MOK: variants seen among roughly 807,000 people sequenced by gnomAD.
MOK encodes MOK protein kinase.
In MOK, 59 loss-of-function variants were observed where a neutral mutation model predicts 54.2. That is an observed-to-expected ratio of 1.09 (90% CI 0.88 to 1.35). The LOEUF (loss-of-function observed/expected upper bound fraction) is 1.35. Among genes scored for constraint, MOK ranks in the 40% most tolerant of loss-of-function variants. MOK has a pLI of 0.00. For missense variants in MOK, 517 were observed against 526.2 expected (o/e 0.98, Z 0.17); for synonymous variants, 210 against 202.7 (o/e 1.04, Z -0.31).
intron 1 of MOK, among the ~76,000 whole-genome samples, chr14:102,293,515 A>G (rs1054420368): frequency 6.6e-5 from 10 of 151,874 alleles, no homozygotes; most frequent in Admixed American, 5.9e-4. Flanking sequence ...CATGACCAAC[A>G]TGGAGAAACC....
In MOK at chr14:102,300,346, A is replaced by G. The variant is rs999895680; in HGVS notation, c.7+4616T>C. The stretch of plus-strand genomic sequence containing the variant: ...CTCAAAAAAAAAAAAAAAAAAAAAA[A>G]GCCTGGGCTGGGCAACACAGCAAAA... On this transcript the variant is annotated intron_variant, in intron 1 of 11. Coordinates refer to ENST00000361847, the MANE Select transcript of MOK (RefSeq NM_014226.3). 1.5e-3 allele frequency among the ~76,000 whole-genome samples: 218 copies of G among 148,216 alleles called. 3 individuals are homozygous for G. The East Asian group carries it at 0.035, about 24-fold the overall frequency.
rs1030616369 is a variant in MOK, at chr14:102,283,420, C to A, written c.122+58G>T. 1.5e-5 allele frequency: 16 copies of A among 1,089,032 alleles called. No homozygotes were observed. In the African/African-American group the frequency reaches 2.1e-4, roughly 14 times the overall value. The allele number at this position is 1,089,032 out of a possible 1,614,324, so 67.5% of individuals were successfully genotyped here. ...AAAGCTCCCCCCTAATATTAAGTTG[C>A]CGTTATTGACTGAAACTTGGATCTG... On this transcript the variant is annotated intron_variant, in intron 2 of 11. Coordinates refer to ENST00000361847, the MANE Select transcript of MOK (RefSeq NM_014226.3).
intron 4 of MOK, among the ~76,000 whole-genome samples, chr14:102,261,432 T>A (rs1339242254): frequency 4.7e-4 from 34 of 72,638 alleles, no homozygotes; most frequent in Non-Finnish European, 6.2e-4. Flanking sequence ...TATATATATA[T>A]ATATATATAT....
chr14:102,301,233 C>A (rs1284566006), intron 1 of MOK, among the ~76,000 whole-genome samples: 1 of 152,152 alleles, frequency 6.6e-6, no homozygotes, highest in East Asian at 1.9e-4. Flanking sequence ...TTCCTTTAAG[C>A]CACAAAATTG....
intron 1 of MOK, among the ~76,000 whole-genome samples, chr14:102,289,250 A>G (rs2070476546): frequency 6.6e-6 from 1 of 151,884 alleles, no homozygotes; most frequent in Non-Finnish European, 1.5e-5. Context: ...AAATAAAATC[A>G]GAAAAAAAAA....
At chr14:102,253,565 T>G (rs2066699536) in intron 4 of MOK, among the ~76,000 whole-genome samples, 1 of 152,236 alleles carries the variant, frequency 6.6e-6, no homozygotes, top group Non-Finnish European at 1.5e-5. Flanking sequence ...AGTCCACATG[T>G]CTTCTTTCAC....
chr14:102,297,275 A>G (rs769343627), intron 1 of MOK, among the ~76,000 whole-genome samples: 2 of 148,992 alleles, frequency 1.3e-5, no homozygotes, highest in Admixed American at 1.3e-4. Flanking sequence ...GGAGAATGGC[A>G]TGAACCCAGG....
chr14:102,241,401 C>T (rs1255059156), intron 7 of MOK, among the ~76,000 whole-genome samples: 1 of 152,222 alleles, frequency 6.6e-6, no homozygotes, highest in African/African-American at 2.4e-5. Context: ...GAGACTAGCC[C>T]TCCCGCACCT....
intron 2 of MOK, among the ~76,000 whole-genome samples, chr14:102,275,368 T>A (rs1049084043): frequency 3.9e-5 from 6 of 152,032 alleles, no homozygotes; most frequent in African/African-American, 1.2e-4. Flanking sequence ...ATCGAGACCA[T>A]CCTGGCTAAC....
intron 1 of MOK, among the ~76,000 whole-genome samples, chr14:102,299,333 G>T (rs1337510694): frequency 6.6e-6 from 1 of 152,100 alleles, no homozygotes; most frequent in Non-Finnish European, 1.5e-5. Context: ...GGCCAACATG[G>T]TGAAACCCCA....
intron 1 of MOK, among the ~76,000 whole-genome samples, chr14:102,284,978 G>C (rs1419201674): frequency 2.6e-5 from 4 of 151,892 alleles, no homozygotes; most frequent in Non-Finnish European, 5.9e-5. Flanking sequence ...GGCCACTTGG[G>C]AGGGTGGGGC....
At chr14:102,216,799 G>A in the MOK span, among the ~76,000 whole-genome samples, 27 of 152,210 alleles carry the variant, frequency 1.8e-4, no homozygotes, top group African/African-American at 4.1e-4. Context: ...GCGTGGTGGC[G>A]GGCGCCTGTA....
chr14:102,233,717 G>A lies in MOK; in HGVS notation c.663C>T (p.Pro221=), dbSNP rs139034681. 344 of 1,613,888 alleles carry A rather than the reference G, an allele frequency of 2.1e-4. No individual in the cohort carries two copies. The highest frequency in any genetic ancestry group is 2.8e-4 in the Non-Finnish European group (331 of 1,179,784). ...ISKIHDVIGT[P]AQKILTKFKQ... is the part of the protein sequence containing the mutation. ...TGAACTTGGTGAGGATCTTCTGAGC[G>A]GGTGTGCCGATGACATCGTGGATTT... is the stretch of plus-strand genomic sequence containing the variant. Residue 221 remains proline (P), a synonymous_variant, in exon 8 of 12, where the codon CCC becomes CCT. Transcript: ENST00000361847.
At chr14:102,267,955 G>GA (rs879334128) in intron 2 of MOK, among the ~76,000 whole-genome samples, 9,637 of 135,418 alleles carry the variant, frequency 0.071, 410 homozygotes, top group African/African-American at 0.13. Flanking sequence ...GCACAGAACA[G>GA]AAAAAAAAAA....
chr14:102,287,169 G>A (rs1287481641), intron 1 of MOK, among the ~76,000 whole-genome samples: 2 of 152,176 alleles, frequency 1.3e-5, no homozygotes, highest in African/African-American at 2.4e-5. Flanking sequence ...GAAATTCGGT[G>A]ATGGATTTAT....
At chr14:102,216,887 G>A in the MOK span, among the ~76,000 whole-genome samples, 1 of 152,028 alleles carries the variant, frequency 6.6e-6, no homozygotes, top group African/African-American at 2.4e-5. Flanking sequence ...GAGTCGAGAT[G>A]GCGCCACTGC....
chr14:102,276,052 T>C (rs1258691454), intron 2 of MOK, among the ~76,000 whole-genome samples: 1 of 152,176 alleles, frequency 6.6e-6, no homozygotes, highest in African/African-American at 2.4e-5. Context: ...TCATTAGTCA[T>C]CGGGGAAGTA....
chr14:102,242,735 A>G (rs926143933), intron 7 of MOK, among the ~76,000 whole-genome samples: 2 of 152,178 alleles, frequency 1.3e-5, no homozygotes, highest in Non-Finnish European at 2.9e-5. Flanking sequence ...AAGTCTTACA[A>G]GTTAGTTCAG....
downstream of MOK, among the ~76,000 whole-genome samples, chr14:102,227,963 T>C (rs1217087189): frequency 6.6e-6 from 1 of 152,180 alleles, no homozygotes; most frequent in Non-Finnish European, 1.5e-5. Flanking sequence ...CTCTTTAAGT[T>C]TGGGAAGATG....
Sources: gnomAD v4.1 joint callset for allele counts (sites outside exome capture counted in the v4.1 genomes callset) on GRCh38, gnomAD v4.1.1 for gene constraint, MANE v1.5 for transcripts, NCBI Gene and HGNC (gene_info 2026-07-23, HGNC 2026-07-21) for gene names.